The following FHIT variants were observed in gnomAD, a reference collection of about 807,000 sequenced individuals.
The protein encoded by FHIT is bis(5'-adenosyl)-triphosphatase.
FHIT carries 19 observed loss-of-function variants against 17.9 expected under a neutral mutation model. The ratio of observed to expected loss-of-function variants is 1.06; its 90% CI spans 0.74 to 1.56. FHIT has a LOEUF of 1.56. FHIT is among the 40% of genes most tolerant of loss of function. The pLI is 0.00. For synonymous variants in FHIT, 81 were observed against 69.7 expected (o/e 1.16, Z -0.81); for missense variants, 248 against 189.2 (o/e 1.31, Z -1.82).
intron 7 of FHIT, among the ~76,000 whole-genome samples, chr3:59,989,375 G>T (rs189769844): frequency 3.7e-4 from 56 of 152,040 alleles, no homozygotes; most frequent in African/African-American, 1.3e-3. Flanking sequence ...CAGCACCTAG[G>T]GAACAAAGCA....
chr3:60,133,036 C>T (rs547123071), intron 5 of FHIT, among the ~76,000 whole-genome samples: 5 of 152,042 alleles, frequency 3.3e-5, no homozygotes, highest in African/African-American at 7.2e-5. Context: ...GTACACCTAC[C>T]GAAACATGAA....
intron 5 of FHIT, among the ~76,000 whole-genome samples, chr3:60,475,997 A>G (rs1171320276): frequency 6.6e-6 from 1 of 152,206 alleles, no homozygotes; most frequent in Non-Finnish European, 1.5e-5. Flanking sequence ...AAGAACTGGC[A>G]TACAATTCCC....
At chr3:59,903,647 T>C (rs755268984) in intron 8 of FHIT, among the ~76,000 whole-genome samples, 15 of 152,152 alleles carry the variant, frequency 9.9e-5, no homozygotes, top group Non-Finnish European at 1.6e-4. Context: ...AGGAGGATTA[T>C]TGTAGCCTGG....
intron 5 of FHIT, among the ~76,000 whole-genome samples, chr3:60,170,610 T>C (rs1486115611): frequency 6.6e-6 from 1 of 152,144 alleles, no homozygotes; most frequent in Non-Finnish European, 1.5e-5. Context: ...AATGATTATT[T>C]GTTAACTCAT....
At chr3:59,840,183 TCCC>T (rs1478571284) in intron 8 of FHIT, among the ~76,000 whole-genome samples, 1 of 151,974 alleles carries the variant, frequency 6.6e-6, no homozygotes, top group Non-Finnish European at 1.5e-5. Context: ...ACAGAAGTAC[TCCC>T]CCATTCTTGC....
At chr3:60,846,168 A>G (rs1702918882) in intron 3 of FHIT, among the ~76,000 whole-genome samples, 1 of 152,220 alleles carries the variant, frequency 6.6e-6, no homozygotes, top group South Asian at 2.1e-4. Context: ...ATAATACAGC[A>G]TGCCCTATTC....
At chr3:59,900,089 T>G (rs977049277) in intron 8 of FHIT, among the ~76,000 whole-genome samples, 2 of 152,188 alleles carry the variant, frequency 1.3e-5, no homozygotes, top group African/African-American at 4.8e-5. Context: ...GCAGAGGCTC[T>G]TCACAGTCAT....
At chr3:61,123,447 C>T (rs2036518469) in intron 2 of FHIT, among the ~76,000 whole-genome samples, 1 of 151,678 alleles carries the variant, frequency 6.6e-6, no homozygotes, top group Non-Finnish European at 1.5e-5. Flanking sequence ...ACATGTATAC[C>T]TATGTAACAA....
intron 2 of FHIT, among the ~76,000 whole-genome samples, chr3:61,155,393 A>G (rs545310385): frequency 4.9e-4 from 75 of 151,744 alleles, no homozygotes; most frequent in African/African-American, 1.7e-3. Flanking sequence ...AACTGAATCA[A>G]ATAGAACAGA....
In FHIT at chr3:60,054,550, T is replaced by C. The variant is rs535373313; in HGVS notation, c.104-40398A>G. Among the ~76,000 whole-genome samples the C allele has an allele frequency of 3.4e-4, 52 of 152,332 alleles. 1 individual carries two copies. The South Asian group carries it at 0.011, about 31-fold the overall frequency. ...ATTATCCAGAACTCTATCATAATGA[T>C]GGAGCTAGGAAGTTCTTTCAGCCTC... On this transcript the variant is annotated intron_variant, in intron 5 of 9. Coordinates refer to ENST00000492590, the MANE Select transcript of FHIT (RefSeq NM_002012.4).
intron 5 of FHIT, among the ~76,000 whole-genome samples, chr3:60,183,535 A>G (rs569954706): frequency 1.3e-5 from 2 of 152,330 alleles, no homozygotes; most frequent in South Asian, 4.1e-4. Context: ...AATCAGACAC[A>G]CTTAGAAGCT....
intron 7 of FHIT, among the ~76,000 whole-genome samples, chr3:59,949,658 C>T (rs984053134): frequency 6.6e-6 from 1 of 152,198 alleles, no homozygotes; most frequent in Non-Finnish European, 1.5e-5. Context: ...CTGTGACACA[C>T]TAACGTTTAT....
chr3:59,856,073 G>C (rs1018228242), intron 8 of FHIT, among the ~76,000 whole-genome samples: 4 of 152,030 alleles, frequency 2.6e-5, no homozygotes, highest in Non-Finnish European at 5.9e-5. Context: ...GAGCCACCAC[G>C]CCCAGCCAAT....
At chr3:60,674,399 T>A (rs1287640529) in intron 4 of FHIT, among the ~76,000 whole-genome samples, 2 of 152,188 alleles carry the variant, frequency 1.3e-5, no homozygotes, top group African/African-American at 4.8e-5. Flanking sequence ...TCAAAGTCTG[T>A]TTCTATTTAT....
At chr3:59,805,317 G>A (rs1700153748) in intron 8 of FHIT, among the ~76,000 whole-genome samples, 1 of 152,178 alleles carries the variant, frequency 6.6e-6, no homozygotes, top group Non-Finnish European at 1.5e-5. Context: ...AGATAAAAGT[G>A]ATGGAGTTCA....
At chr3:61,150,820 G>A (rs1271202204) in intron 2 of FHIT, among the ~76,000 whole-genome samples, 2 of 151,964 alleles carry the variant, frequency 1.3e-5, no homozygotes, top group Non-Finnish European at 2.9e-5. Context: ...TAACACAACT[G>A]TATTAGTTTG....
At chr3:60,535,208 A>G (rs1217457112) in intron 5 of FHIT, among the ~76,000 whole-genome samples, 1 of 152,170 alleles carries the variant, frequency 6.6e-6, no homozygotes, top group Non-Finnish European at 1.5e-5. Context: ...TGGGCTACAG[A>G]GTGAGACTCT....
intron 5 of FHIT, among the ~76,000 whole-genome samples, chr3:60,418,426 A>ATG (rs1559897379): frequency 0.011 from 165 of 15,158 alleles, 15 homozygotes; most frequent in Non-Finnish European, 0.017. Flanking sequence ...ATATATATAT[A>ATG]CGTGTATACA....
intron 7 of FHIT, among the ~76,000 whole-genome samples, chr3:59,993,749 G>A (rs1425716945): frequency 6.6e-6 from 1 of 151,698 alleles, no homozygotes; most frequent in Non-Finnish European, 1.5e-5. Flanking sequence ...GAGGTGTAAC[G>A]GGGTCTCAGT....
Sources: allele counts gnomAD v4.1 joint callset (sites outside exome capture counted in the v4.1 genomes callset), GRCh38; gene constraint gnomAD v4.1.1; transcripts MANE v1.5; gene names NCBI Gene and HGNC (gene_info 2026-07-23, HGNC 2026-07-21).